The following FAM53A variants were observed in gnomAD, a reference collection of about 807,000 sequenced individuals.
The protein encoded by FAM53A is family with sequence similarity 53 member A.
Under a neutral mutation model 26.6 loss-of-function variants are expected in FAM53A, and 28 were observed. The observed-to-expected ratio is 1.05, with a 90% CI of 0.78 to 1.45. The LOEUF is 1.45. Ranked by LOEUF, FAM53A falls within the 40% of genes most tolerant of loss-of-function variation. The pLI is 0.00. For missense variants in FAM53A, 650 were observed against 575.8 expected (o/e 1.13, Z -1.32); for synonymous variants, 290 against 253.1 (o/e 1.15, Z -1.38).
intron 1 of FAM53A, among the ~76,000 whole-genome samples, chr4:1,675,541 G>A (rs141042018): frequency 2.2e-3 from 337 of 152,162 alleles, no homozygotes; most frequent in African/African-American, 7.8e-3. Context: ...TAACTGCACC[G>A]TAAATCCCTT....
In FAM53A at chr4:1,655,587, C is replaced by G; in HGVS notation, c.273G>C (p.Pro91=). ...CTGCACCCAGGCCTGCGCCTGGGCG[C>G]GGGGACTGTGGCTGCCACTGAAGAC... ...TMGLQWQPQS[P]RPGAGLGAAS... The change falls in exon 4 of 5, where the codon CCG becomes CCC. Residue 91 remains proline, a synonymous_variant. Coordinates refer to ENST00000308132, the MANE Select transcript of FAM53A (RefSeq NM_001174070.3). 1 of 1,585,126 alleles carries G rather than the reference C, an allele frequency of 6.3e-7. No individual in the cohort carries two copies. The highest frequency in any genetic ancestry group is 1.1e-5 in the South Asian group (1 of 88,676).
At chr4:1,675,164 A>G (rs1714955256) in intron 1 of FAM53A, among the ~76,000 whole-genome samples, 1 of 152,156 alleles carries the variant, frequency 6.6e-6, no homozygotes, top group Non-Finnish European at 1.5e-5. Context: ...GTGGGAAGAG[A>G]CCTCTGGGTT....
intron 1 of FAM53A, among the ~76,000 whole-genome samples, chr4:1,629,041 T>C (rs1039825576): frequency 1.3e-5 from 2 of 151,812 alleles, no homozygotes; most frequent in Non-Finnish European, 2.9e-5. Context: ...GGGGTTCTCC[T>C]CTCACCCACG....
intron 2 of FAM53A, among the ~76,000 whole-genome samples, chr4:1,660,915 GCT>G (rs891361055): frequency 1.3e-5 from 2 of 151,628 alleles, no homozygotes; most frequent in East Asian, 1.9e-4. Context: ...TTAAAAACCA[GCT>G]CTCTACCAAT....
chr4:1,634,638 C>T (rs1396423644), intron 1 of FAM53A, among the ~76,000 whole-genome samples: 2 of 152,154 alleles, frequency 1.3e-5, no homozygotes, highest in Non-Finnish European at 2.9e-5. Context: ...TGGCTCACGC[C>T]TGTAATACCA....
chr4:1,676,388 TAACTC>T (rs1013571014), intron 1 of FAM53A, among the ~76,000 whole-genome samples: 4 of 152,318 alleles, frequency 2.6e-5, no homozygotes, highest in Middle Eastern at 3.4e-3. Context: ...GACCCCATCT[TAACTC>T]ATTACATCTG....
chr4:1,609,577 C>A, the FAM53A span, among the ~76,000 whole-genome samples: 2 of 152,146 alleles, frequency 1.3e-5, no homozygotes, highest in African/African-American at 2.4e-5. Context: ...CAGGCTCTCA[C>A]CCTCTCCCCT....
Position 1,655,081 on chromosome 4 carries a change from G to C in FAM53A, c.779C>G (p.Ser260Ter). Residue 260 changes from serine (S) to a stop codon, truncating the protein, a stop_gained, in exon 4 of 5, where the codon TCA (serine) becomes TGA (stop). Transcript: ENST00000308132. LOFTEE classifies it high-confidence loss of function. ...GGRRGLLRCR[S>*]QPCVLSGKRS... ...CTTCCCACTGAGCACGCAAGGCTGT[G>C]AGCGGCACCGGAGCAGCCCACGGCG... 1 of 1,601,622 alleles carries C rather than the reference G, an allele frequency of 6.2e-7. No individual in the cohort carries two copies. The highest frequency in any genetic ancestry group is 8.5e-7 in the Non-Finnish European group (1 of 1,174,066).
intron 1 of FAM53A, among the ~76,000 whole-genome samples, chr4:1,628,137 T>G (rs1577087741): frequency 6.4e-5 from 1 of 15,580 alleles, no homozygotes; most frequent in Non-Finnish European, 1.1e-4. Context: ...GCAGGGAGGG[T>G]GGCCCAGGGG....
chr4:1,679,703 A>G (rs1715281679), intron 1 of FAM53A, among the ~76,000 whole-genome samples: 1 of 150,238 alleles, frequency 6.7e-6, no homozygotes, highest in South Asian at 2.1e-4. Flanking sequence ...AAAAAAAAAA[A>G]AGAACCCAAC....
At chr4:1,655,791 C>T (rs572428144) in intron 3 of FAM53A, 68 bp from the exon 4 acceptor site, 436 of 1,440,372 alleles carry the variant, frequency 3.0e-4, no homozygotes, top group Middle Eastern at 8.2e-4. Context: ...ACATCCATCC[C>T]GGCAAACAGC....
the FAM53A span, among the ~76,000 whole-genome samples, chr4:1,604,192 G>A: frequency 1.3e-5 from 2 of 152,352 alleles, no homozygotes; most frequent in South Asian, 4.1e-4. Context: ...GACCCAGGAT[G>A]GTCCCAGGCT....
intron 4 of FAM53A, among the ~76,000 whole-genome samples, chr4:1,646,141 C>G (rs1369640932): frequency 6.6e-6 from 1 of 151,960 alleles, no homozygotes; most frequent in African/African-American, 2.4e-5. Flanking sequence ...TGCTCTGTCG[C>G]CCAGGTTGGA....
rs1711737024 is a variant in FAM53A, at chr4:1,641,686, C to T, written c.883-79G>A. On this transcript the variant is annotated intron_variant, in intron 4 of 4. Coordinates refer to ENST00000308132, the MANE Select transcript of FAM53A (RefSeq NM_001174070.3). ...CAGCATCCCACCAACCCATCGAGGG[C>T]TCGGTGTGCTGGGGCTCTGGCCATC... The T allele has an allele frequency of 2.0e-6, 3 of 1,466,798 alleles. No individual in the cohort carries two copies. In the South Asian group the frequency reaches 3.4e-5, roughly 17 times the overall value. 90.9% of individuals were successfully genotyped at this position (1,466,798 alleles called of 1,614,324 possible).
the FAM53A span, among the ~76,000 whole-genome samples, chr4:1,591,322 G>T: frequency 1.6e-4 from 24 of 152,066 alleles, no homozygotes; most frequent in South Asian, 4.6e-3. Context: ...GTTGCATTAG[G>T]GTTTATTTCT....
At chr4:1,623,935 G>T (rs1202544912) in intron 1 of FAM53A, among the ~76,000 whole-genome samples, 1 of 152,198 alleles carries the variant, frequency 6.6e-6, no homozygotes, top group Non-Finnish European at 1.5e-5. Context: ...CCCAGGCCAG[G>T]AGATGGGGCC....
At position 1,630,916 on chromosome 4, in the gene FAM53A, G is replaced by A. The variant is rs989711915; in HGVS notation, c.432-12805C>T. Among the ~76,000 whole-genome samples the A allele has an allele frequency of 1.3e-5, 2 of 152,176 alleles. No homozygotes were observed. Among genetic ancestry groups the A allele is most frequent in the African/African-American group, 4.8e-5 (2 of 41,438 alleles). ...GTTGAGGCTGGGCACCATGGCACGC[G>A]CCTGCAGTCCCAGCACTTTGGGAGG... On this transcript the variant is annotated intron_variant, in intron 1 of 1. Coordinates refer to the FAM53A transcript ENST00000489029. This position sits in a 1 kb window ranked among gnomAD's most constrained non-coding sequence, Gnocchi z 4.3.
chr4:1,599,410 T>C, the FAM53A span, among the ~76,000 whole-genome samples: 1 of 152,048 alleles, frequency 6.6e-6, no homozygotes, highest in African/African-American at 2.4e-5. The surrounding 1 kb of genome is among the most constrained non-coding windows in gnomAD (Gnocchi z 6.1). Flanking sequence ...CTGAGGGACA[T>C]CTCGAGTGTT....
chr4:1,579,755 C>G, the FAM53A span, among the ~76,000 whole-genome samples: 1 of 152,174 alleles, frequency 6.6e-6, no homozygotes, highest in South Asian at 2.1e-4. Context: ...CCGCCACGGG[C>G]TGGCCAGGAG....
Sources: gnomAD v4.1 joint callset for allele counts (sites outside exome capture counted in the v4.1 genomes callset) on GRCh38, gnomAD v4.1.1 for gene constraint, Gnocchi (gnomAD v3.1) non-coding constraint, MANE v1.5 for transcripts, NCBI Gene and HGNC (gene_info 2026-07-23, HGNC 2026-07-21) for gene names.